The following OR5L1 variants were observed in gnomAD, a reference collection of about 807,000 sequenced individuals.
OR5L1 encodes the protein olfactory receptor 5L1.
For synonymous variants in OR5L1, 197 were observed against 146.6 expected (o/e 1.34, Z -2.49); for missense variants, 398 against 365.8 (o/e 1.09, Z -0.72).
Position 55,811,370 on chromosome 11 carries a change from G to T in OR5L1, c.-97G>T. On this transcript the variant is annotated 5_prime_UTR_variant, in exon 1 of 1. Coordinates refer to ENST00000625203, the MANE Select transcript of OR5L1 (RefSeq NM_001004738.2). The stretch of plus-strand genomic sequence containing the variant: ...GATAAACTATCCTACTTTTTCTGGT[G>T]TCTTTTTACAGGATACAGCCAAAAC... The T allele has an allele frequency of 7.8e-7, 1 of 1,288,844 alleles. No homozygotes were observed. The highest frequency in any genetic ancestry group is 1.1e-6 in the Non-Finnish European group (1 of 947,786). The allele number at this position is 1,288,844 out of a possible 1,614,324, so 79.8% of individuals were successfully genotyped here. A position where few individuals can be genotyped will look rare whatever the true frequency, so the allele number is the denominator to read the frequency against.
chr11:55,812,033 C>T lies in OR5L1; in HGVS notation c.567C>T (p.Cys189=). 6.2e-7 allele frequency: 1 copy of T among 1,613,984 alleles called. No individual in the cohort carries two copies. ...TACCTCCTGTCTTAAGTCTTGCTTG[C>T]TCTGATATCACTGTGAATGAGACAC... The part of the protein sequence containing the change: ...CDLPPVLSLA[C]SDITVNETLL... Residue 189 remains cysteine (C), a synonymous_variant, in exon 1 of 1, where the codon TGC becomes TGT. Transcript: ENST00000625203.
Position 55,812,144 on chromosome 11 carries a change from G to A in OR5L1, c.678G>A (p.Leu226=). 1.2e-6 allele frequency: 2 copies of A among 1,613,938 alleles called. No homozygotes were observed. The highest frequency in any genetic ancestry group is 1.7e-6 in the Non-Finnish European group (2 of 1,180,022). ...ACCTGCTAATTCTCACCACCATCCT[G>A]AAGATGGGCTCTGCAGAGGGCAGGC... ...TSYLLILTTI[L]KMGSAEGRHK... The change falls in exon 1 of 1, where the codon CTG becomes CTA. Residue 226 remains leucine, a synonymous_variant. Transcript: ENST00000625203.
rs758759778 is a variant in OR5L1 at position 55,812,087 on chromosome 11, G to A, written c.621G>A (p.Glu207=). 4.3e-6 allele frequency: 7 copies of A among 1,613,966 alleles called. No individual in the cohort carries two copies. Among genetic ancestry groups the A allele is most frequent in the Non-Finnish European group, 5.9e-6 (7 of 1,180,024 alleles). The change falls in exon 1 of 1, where the codon GAG becomes GAA. Residue 207 remains glutamate, a synonymous_variant. Coordinates refer to ENST00000625203, the MANE Select transcript of OR5L1 (RefSeq NM_001004738.2). The part of the protein sequence containing the change: ...TLLFLVATLN[E]SVTIMIILTS... ...TGTTCCTGGTGGCCACTTTGAATGA[G>A]AGTGTTACCATCATGATCATCCTCA...
At position 55,811,824 on chromosome 11, in the gene OR5L1, T is replaced by C. The variant is rs200605321; in HGVS notation, c.358T>C (p.Tyr120His). 8.9e-5 allele frequency: 143 copies of C among 1,614,050 alleles called. No individual in the cohort carries two copies. The highest frequency in any genetic ancestry group is 1.2e-4 in the Non-Finnish European group (141 of 1,180,028). ...GGTCTTCCTGCTGGCCGTGATGGCC[T>C]ATGACCGCTTTGTGGCCATCTGTAA... ...TEVFLLAVMA[Y>H]DRFVAICNPL... Residue 120 changes from tyrosine to histidine, a missense_variant, in exon 1 of 1, where the codon TAT (tyrosine) becomes CAT (histidine). Transcript: ENST00000625203.
chr11:55,811,712 G>A lies in OR5L1; in HGVS notation c.246G>A (p.Leu82=), dbSNP rs771785601. Residue 82 remains leucine (L), a synonymous_variant, in exon 1 of 1, where the codon TTG becomes TTA. Coordinates refer to ENST00000625203, the MANE Select transcript of OR5L1 (RefSeq NM_001004738.2). ...CCTCAATAATTGTGCCAAAAATGTT[G>A]GCTAATATCTTTAACAAGGACAAAG... ...CYSSIIVPKM[L]ANIFNKDKAI... 5 of 1,614,020 alleles carry A rather than the reference G, an allele frequency of 3.1e-6. No homozygotes were observed. Among genetic ancestry groups the A allele is most frequent in the Non-Finnish European group, 4.2e-6 (5 of 1,180,030 alleles).
Position 55,812,472 on chromosome 11 carries a change from T to C in OR5L1, c.*70T>C. 1.9e-6 allele frequency: 2 copies of C among 1,056,796 alleles called. No homozygotes were observed. The highest frequency in any genetic ancestry group is 2.8e-6 in the Non-Finnish European group (2 of 713,954). The allele number at this position is 1,056,796 out of a possible 1,614,324, so 65.5% of individuals were successfully genotyped here. The stretch of plus-strand genomic sequence containing the variant: ...GCGGGGGTTCACGGGAGAGGCACAG[T>C]GTTGGAGTACAGAGAAGAAGGAGCT... On this transcript the variant is annotated 3_prime_UTR_variant, in exon 1 of 1. Transcript: ENST00000625203.
Position 55,812,303 on chromosome 11 carries a change from A to G in OR5L1, c.837A>G (p.Thr279=), listed in dbSNP as rs761192799. ...ACAAAGTGGCCACCGTGTTCTACAC[A>G]GTCGTGATTCCTATGCTGAACTCTG... ...DADKVATVFY[T]VVIPMLNSVI... is the part of the protein sequence containing the mutation. The change falls in exon 1 of 1, where the codon ACA becomes ACG. Residue 279 remains threonine (T), a synonymous_variant. Coordinates refer to ENST00000625203, the MANE Select transcript of OR5L1 (RefSeq NM_001004738.2). 6.2e-7 allele frequency: 1 copy of G among 1,613,842 alleles called. No individual in the cohort carries two copies. Among genetic ancestry groups the G allele is most frequent in the South Asian group, 1.1e-5 (1 of 91,088 alleles).
Position 55,812,231 on chromosome 11 carries a change from C to T in OR5L1, c.765C>T (p.Val255=). 6.2e-7 allele frequency: 1 copy of T among 1,613,908 alleles called. No homozygotes were observed. The highest frequency in any genetic ancestry group is 8.5e-7 in the Non-Finnish European group (1 of 1,180,020). ...CTATCACTGTCTTCCATGGAACAGTCCTTTCCATTTATTGCAGGCCCAGTT... is the reference window on the plus strand; with the variant it reads ...CTATCACTGTCTTCCATGGAACAGTTCTTTCCATTTATTGCAGGCCCAGTT... ...LTAITVFHGT[V]LSIYCRPSSG... The change falls in exon 1 of 1, where the codon GTC becomes GTT. Residue 255 remains valine (V), a synonymous_variant. Coordinates refer to ENST00000625203, the MANE Select transcript of OR5L1 (RefSeq NM_001004738.2).
chr11:55,811,556 G>A lies in OR5L1; in HGVS notation c.90G>A (p.Leu30=), dbSNP rs1176253701. Residue 30 remains leucine (L), a synonymous_variant, in exon 1 of 1, where the codon CTG becomes CTA. Coordinates refer to ENST00000625203, the MANE Select transcript of OR5L1 (RefSeq NM_001004738.2). ...AGTTGAGAGTCTGCCTCTTCCTGCT[G>A]TTCCTTCTCATCTATGGAGTCACGT... ...VPELRVCLFL[L]FLLIYGVTLL... 1.9e-6 allele frequency: 3 copies of A among 1,613,986 alleles called. No homozygotes were observed. The highest frequency in any genetic ancestry group is 2.5e-6 in the Non-Finnish European group (3 of 1,180,020).
At position 55,811,967 on chromosome 11, in the gene OR5L1, C is replaced by T. The variant is rs145912179; in HGVS notation, c.501C>T (p.Pro167=). ...LIHLCLALRI[P]FYRSNVINHF... The stretch of plus-strand genomic sequence containing the variant: ...ATTTGTGCTTAGCTCTTAGGATCCC[C>T]TTCTATAGATCTAATGTGATTAACC... The change falls in exon 1 of 1, where the codon CCC becomes CCT. Residue 167 remains proline (P), a synonymous_variant. Transcript: ENST00000625203. 6.2e-7 allele frequency: 1 copy of T among 1,613,934 alleles called. No homozygotes were observed. The highest frequency in any genetic ancestry group is 1.3e-5 in the African/African-American group (1 of 74,868).
rs2134456762 is a variant in OR5L1 at position 55,812,193 on chromosome 11, T to A, written c.727T>A (p.Ser243Thr). The change falls in exon 1 of 1, where the codon TCC becomes ACC. Residue 243 changes from serine to threonine, a missense_variant. Coordinates refer to ENST00000625203, the MANE Select transcript of OR5L1 (RefSeq NM_001004738.2). ...GRHKAFSTCA[S>T]HLTAITVFHG... ...GCACAAAGCCTTCTCCACCTGTGCT[T>A]CCCACCTCACAGCTATCACTGTCTT... 6.2e-7 allele frequency: 1 copy of A among 1,613,928 alleles called. No individual in the cohort carries two copies. The highest frequency in any genetic ancestry group is 8.5e-7 in the Non-Finnish European group (1 of 1,180,014).
rs767457813 is a variant in OR5L1 at position 55,812,067 on chromosome 11, C to A, written c.601C>A (p.Leu201Met). ...DITVNETLLF[L>M]VATLNESVTI... ...CACTGTGAATGAGACACTGCTGTTC[C>A]TGGTGGCCACTTTGAATGAGAGTGT... The change falls in exon 1 of 1, where the codon CTG becomes ATG. Residue 201 changes from leucine (L) to methionine (M), a missense_variant. Coordinates refer to ENST00000625203, the MANE Select transcript of OR5L1 (RefSeq NM_001004738.2). The A allele has an allele frequency of 9.9e-6, 16 of 1,613,882 alleles. No homozygotes were observed. The highest frequency in any genetic ancestry group is 8.5e-6 in the Non-Finnish European group (10 of 1,180,024).
chr11:55,811,527 C>G lies in OR5L1; in HGVS notation c.61C>G (p.Pro21Ala). ...CATTCTCCTTGGACTATCAGATGTC[C>G]CTGAGTTGAGAGTCTGCCTCTTCCT... Reference protein sequence around the residue: ...EFILLGLSDVPELRVCLFLLF... With the variant: ...EFILLGLSDVAELRVCLFLLF... The change falls in exon 1 of 1, where the codon CCT becomes GCT. Residue 21 changes from proline to alanine, a missense_variant. By Grantham distance (27) the Pro-to-Ala change is conservative. Transcript: ENST00000625203. 2 of 1,613,902 alleles carry G rather than the reference C, an allele frequency of 1.2e-6. No homozygotes were observed. Among genetic ancestry groups the G allele is most frequent in the Non-Finnish European group, 1.7e-6 (2 of 1,180,006 alleles).
rs1435854816 is a variant in OR5L1, at chr11:55,811,821, GC to G, written c.357del (p.Tyr120MetfsTer38). 6.2e-7 allele frequency: 1 copy of G among 1,613,940 alleles called. No homozygotes were observed. Among genetic ancestry groups the G allele is most frequent in the Non-Finnish European group, 8.5e-7 (1 of 1,180,024 alleles). ...TGAGGTCTTCCTGCTGGCCGTGATGGCCTATGACCGCTTTGTGGCCATCTGT... is the reference window on the plus strand; with the variant it reads ...TGAGGTCTTCCTGCTGGCCGTGATGGCTATGACCGCTTTGTGGCCATCTGT... ...VTEVFLLAVM[A>X]YDRFVAICNP... On this transcript the variant is annotated frameshift_variant, in exon 1 of 1. Coordinates refer to ENST00000625203, the MANE Select transcript of OR5L1 (RefSeq NM_001004738.2). LOFTEE classifies it low-confidence loss of function (END_TRUNC).
In OR5L1 at chr11:55,812,437, G is replaced by GTTTAT. The variant is rs1853713323; in HGVS notation, c.*36_*37insTTATT. The GTTTAT allele has an allele frequency of 1.3e-6, 2 of 1,499,648 alleles. No homozygotes were observed. Among genetic ancestry groups the GTTTAT allele is most frequent in the African/African-American group, 1.4e-5 (1 of 72,050 alleles). The allele number at this position is 1,499,648 out of a possible 1,614,324, so 92.9% of individuals were successfully genotyped here. ...TATTAGCACAATTCAGGATTCCCAA[G>GTTTAT]TAGTGGCAGGCGGGGGTTCACGGGA... On this transcript the variant is annotated 3_prime_UTR_variant, in exon 1 of 1. Transcript: ENST00000625203.
In OR5L1 at chr11:55,812,354, T is replaced by G. The variant is rs758557451; in HGVS notation, c.888T>G (p.Asp296Glu). The change falls in exon 1 of 1, where the codon GAT becomes GAG. Residue 296 changes from aspartate to glutamate, a missense_variant. Physicochemically the swap from Asp to Glu is conservative, Grantham distance 45 (BLOSUM62 2). Transcript: ENST00000625203. ...TGATCTACAGCCTGAGAAATAAAGA[T>G]GTGAAAGAAGCTCTCAGAAAAGTGA... ...NSVIYSLRNKDVKEALRKVMG... is the reference protein window; with the variant it reads ...NSVIYSLRNKEVKEALRKVMG... 3 of 1,613,178 alleles carry G rather than the reference T, an allele frequency of 1.9e-6. No individual in the cohort carries two copies. The highest frequency in any genetic ancestry group is 2.5e-6 in the Non-Finnish European group (3 of 1,179,684).
In OR5L1 at chr11:55,811,761, G is replaced by T; in HGVS notation, c.295G>T (p.Val99Leu). The change falls in exon 1 of 1, where the codon GTG becomes TTG. Residue 99 changes from valine (V) to leucine (L), a missense_variant. Physicochemically the swap from Val to Leu is conservative, Grantham distance 32. Transcript: ENST00000625203. ...DKAISFLGCMVQFYLFCTCVV... is the reference protein window; with the variant it reads ...DKAISFLGCMLQFYLFCTCVV... ...AGCCATCTCCTTCCTAGGGTGCATG[G>T]TGCAATTCTACTTGTTTTGCACTTG... 2 of 1,614,038 alleles carry T rather than the reference G, an allele frequency of 1.2e-6. No individual in the cohort carries two copies. The highest frequency in any genetic ancestry group is 1.7e-6 in the Non-Finnish European group (2 of 1,180,040).
In OR5L1 at chr11:55,812,013, C is replaced by A. The variant is rs914231343; in HGVS notation, c.547C>A (p.Pro183Thr). Residue 183 changes from proline to threonine, a missense_variant, in exon 1 of 1, where the codon CCT becomes ACT. Physicochemically the swap from Pro to Thr is conservative, Grantham distance 38. Transcript: ENST00000625203. ...VINHFFCDLP[P>T]VLSLACSDIT... ...TAACCACTTTTTCTGTGATCTACCT[C>A]CTGTCTTAAGTCTTGCTTGCTCTGA... is the stretch of plus-strand genomic sequence containing the variant. The A allele has an allele frequency of 1.2e-6, 2 of 1,613,838 alleles. No individual in the cohort carries two copies. The highest frequency in any genetic ancestry group is 2.7e-5 in the African/African-American group (2 of 74,760).
In OR5L1 at chr11:55,811,410, T is replaced by C; in HGVS notation, c.-57T>C. ...ACAGCCAAAACTAAAATTTAGACTA[T>C]ATAATGGAGAATAATTTTTAAGTTT... On this transcript the variant is annotated 5_prime_UTR_variant, in exon 1 of 1. Transcript: ENST00000625203. 1.3e-6 allele frequency: 2 copies of C among 1,541,620 alleles called. No homozygotes were observed. Among genetic ancestry groups the C allele is most frequent in the Non-Finnish European group, 1.7e-6 (2 of 1,144,828 alleles).
Sources: gnomAD v4.1 joint callset for allele counts on GRCh38, gnomAD v4.1.1 for gene constraint, MANE v1.5 for transcripts, NCBI Gene and HGNC (gene_info 2026-07-23, HGNC 2026-07-21) for gene names.